Variants in MEGF6 observed in about 807,000 individuals in gnomAD.
The protein encoded by MEGF6 is multiple EGF like domains 6.
A neutral mutation model predicts 207.1 loss-of-function variants in MEGF6; 184 were observed. The observed-to-expected ratio is 0.89, with a 90% CI of 0.79 to 1.00. The LOEUF (loss-of-function observed/expected upper bound fraction) is 1.00, where lower values mean the gene tolerates loss of function less well. Among genes scored for constraint, MEGF6 ranks in the 50% least tolerant of loss-of-function variants. The pLI is 0.00. For missense variants in MEGF6, 2,282 were observed against 2,202.9 expected, an observed-to-expected ratio of 1.04 and a Z score of -0.72; for synonymous variants, 1,038 against 910.0, an observed-to-expected ratio of 1.14 and a Z score of -2.53.
At position 3,499,864 on chromosome 1, in the gene MEGF6, G is replaced by A. The variant is rs1640782930; in HGVS notation, c.2768C>T (p.Ala923Val). Residue 923 changes from alanine (A) to valine (V), a missense_variant, in exon 22 of 37, where the codon GCA becomes GTA. By Grantham distance (64) the Ala-to-Val change is moderately conservative. Transcript: ENST00000356575. ...GGCCCCGCTGACGTGGTCACAGGCT[G>A]CTCCATGCTGACACTGGCACCGCTG... ...CEQRCQCQHG[A>V]ACDHVSGACT... The A allele has an allele frequency of 6.4e-7, 1 of 1,557,320 alleles. No homozygotes were observed. The highest frequency in any genetic ancestry group is 1.4e-5 in the African/African-American group (1 of 73,628).
At chr1:3,496,592 T>C in intron 29 of MEGF6, 63 bp downstream of exon 29, 6 of 1,546,196 alleles carry the variant, frequency 3.9e-6, no homozygotes, top group Non-Finnish European at 5.2e-6. Flanking sequence ...TCCTGCAGGC[T>C]GGCTGGCCCT....
rs1192792240 is a variant in MEGF6 at position 3,490,698 on chromosome 1, A to T, written c.4565-109T>A. 12 of 1,221,858 alleles carry T rather than the reference A, an allele frequency of 9.8e-6. No individual in the cohort carries two copies. In the East Asian group the frequency reaches 3.1e-4, roughly 32 times the overall value. 75.7% of individuals were successfully genotyped at this position (1,221,858 alleles called of 1,614,324 possible). On this transcript the variant is annotated intron_variant, in intron 36 of 36. Transcript: ENST00000356575. The stretch of plus-strand genomic sequence containing the variant: ...CTCCCACCCCTCCCTTCAGCAGCTC[A>T]GCCCAGCAGGTGGGTGGGGCCCACC...
chr1:3,496,690 C>T lies in MEGF6; in HGVS notation c.3707G>A (p.Cys1236Tyr). 1 of 1,565,604 alleles carries T rather than the reference C, an allele frequency of 6.4e-7. No homozygotes were observed. Among genetic ancestry groups the T allele is most frequent in the Non-Finnish European group, 8.7e-7 (1 of 1,155,566 alleles). ...SCDAATGACR[C>Y]PTGFLGTDCN... ...GTCCGTCCCGAGGAACCCAGTGGGGCAGCGGCAGGCCCCCGTGGCCGCATC... is the reference window on the plus strand; with the variant it reads ...GTCCGTCCCGAGGAACCCAGTGGGGTAGCGGCAGGCCCCCGTGGCCGCATC... The change falls in exon 29 of 37, where the codon TGC (cysteine) becomes TAC (tyrosine). Residue 1236 changes from cysteine (C) to tyrosine (Y), a missense_variant. Transcript: ENST00000356575.
Position 3,490,150 on chromosome 1 carries a change from G to C in MEGF6, c.*378C>G, listed in dbSNP as rs1471336831. 2 of 274,144 alleles carry C rather than the reference G, an allele frequency of 7.3e-6. No individual in the cohort carries two copies. The highest frequency in any genetic ancestry group is 1.4e-5 in the Non-Finnish European group (2 of 146,394). The allele number at this position is 274,144 out of a possible 1,614,324, so 17.0% of individuals were successfully genotyped here. A position where few individuals can be genotyped will look rare whatever the true frequency, so the allele number is the denominator to read the frequency against. On this transcript the variant is annotated 3_prime_UTR_variant, in exon 37 of 37. Transcript: ENST00000356575. ...CAGTCCCAGGGCCTAGCACCAAAAAGCCTGCCTGGAGGACAGTGGCCCTGT... is the reference window on the plus strand; with the variant it reads ...CAGTCCCAGGGCCTAGCACCAAAAACCCTGCCTGGAGGACAGTGGCCCTGT...
At chr1:3,550,836 G>A (rs1001671155) in intron 4 of MEGF6, among the ~76,000 whole-genome samples, 10 of 152,370 alleles carry the variant, frequency 6.6e-5, no homozygotes, top group South Asian at 2.1e-4. Flanking sequence ...CCCACCGCCC[G>A]TGCACTCACC....
rs987783133 is a variant in MEGF6 at position 3,494,485 on chromosome 1, G to A, written c.4015C>T (p.Arg1339Cys). The A allele has an allele frequency of 6.0e-5, 95 of 1,588,220 alleles. No homozygotes were observed. The highest frequency in any genetic ancestry group is 7.3e-5 in the Non-Finnish European group (85 of 1,171,354). Residue 1339 changes from arginine (R) to cysteine (C), a missense_variant, in exon 32 of 37, where the codon CGC (arginine) becomes TGC (cysteine). By Grantham distance (180) the Arg-to-Cys change is radical. Coordinates refer to ENST00000356575, the MANE Select transcript of MEGF6 (RefSeq NM_001409.4). ...RHCELACPPG[R>C]YGAACHLECS... Reference sequence around the variant, plus strand: ...TCCAGATGGCAGGCGGCTCCGTAGCGCCCAGGGGGACAGGCTGGGGACAGG... The same window carrying A: ...TCCAGATGGCAGGCGGCTCCGTAGCACCCAGGGGGACAGGCTGGGGACAGG...
chr1:3,558,273 C>T (rs1213147337), intron 4 of MEGF6, among the ~76,000 whole-genome samples: 3 of 152,316 alleles, frequency 2.0e-5, no homozygotes, highest in Admixed American at 6.5e-5. Context: ...CTCTCTCCCA[C>T]TCCACCAACT....
chr1:3,543,385 C>G (rs112640692), intron 4 of MEGF6, among the ~76,000 whole-genome samples: 6 of 152,358 alleles, frequency 3.9e-5, no homozygotes, highest in African/African-American at 1.4e-4. Flanking sequence ...TCTCGGCTGC[C>G]GGCACCCCCT....
intron 4 of MEGF6, among the ~76,000 whole-genome samples, chr1:3,568,778 C>T (rs560195474): frequency 1.3e-5 from 2 of 152,236 alleles, no homozygotes; most frequent in East Asian, 3.9e-4. Flanking sequence ...GTCCTCTGCA[C>T]CTTACAGAAG....
In MEGF6 at chr1:3,497,058, G is replaced by A. The variant is rs202074187; in HGVS notation, c.3543C>T (p.Asn1181=). ...TCCCGGTGGCAGGGTGGCAGGCCGG[G>A]TTCTCACCGGGACACTGGCACATCT... ...CAQMCQCPGE[N]PACHPATGTC... The change falls in exon 28 of 37, where the codon AAC becomes AAT. Residue 1181 remains asparagine, a synonymous_variant. Transcript: ENST00000356575. 2 of 1,559,344 alleles carry A rather than the reference G, an allele frequency of 1.3e-6. No homozygotes were observed. The highest frequency in any genetic ancestry group is 1.4e-5 in the African/African-American group (1 of 73,350).
At chr1:3,546,717 C>T (rs1642720562) in intron 4 of MEGF6, among the ~76,000 whole-genome samples, 1 of 139,400 alleles carries the variant, frequency 7.2e-6, no homozygotes, top group Admixed American at 7.1e-5. Flanking sequence ...AAGGAGGACG[C>T]CAAGGCGGGG....
chr1:3,503,861 T>G (rs992491555), intron 17 of MEGF6, among the ~76,000 whole-genome samples: 1 of 151,930 alleles, frequency 6.6e-6, no homozygotes, highest in Non-Finnish European at 1.5e-5. Flanking sequence ...AGATGGGAAG[T>G]GGGCGCTCAG....
chr1:3,497,640 T>A, intron 26 of MEGF6: 1 of 619,368 alleles, frequency 1.6e-6, no homozygotes, highest in Non-Finnish European at 3.0e-6. Flanking sequence ...ACGAGACAGA[T>A]AGGGCTGAGA....
intron 4 of MEGF6, among the ~76,000 whole-genome samples, chr1:3,563,947 C>G (rs1643276198): frequency 6.6e-6 from 1 of 152,198 alleles, no homozygotes; most frequent in South Asian, 2.1e-4. Flanking sequence ...GGGCACTTGT[C>G]CTGCCAGGCC....
At chr1:3,502,205 G>A (rs1206233255) in intron 17 of MEGF6, among the ~76,000 whole-genome samples, 1 of 151,370 alleles carries the variant, frequency 6.6e-6, no homozygotes. Context: ...GGAGTGAAAG[G>A]GGAGCTGACG....
At chr1:3,551,983 C>A (rs142349351) in intron 4 of MEGF6, among the ~76,000 whole-genome samples, 29 of 152,204 alleles carry the variant, frequency 1.9e-4, no homozygotes, top group African/African-American at 7.0e-4. Context: ...CATCAGCAAT[C>A]CCAGCCCCTT....
chr1:3,505,659 T>C (rs2100996533), intron 15 of MEGF6, 103 bp from the exon 16 acceptor site: 4 of 1,402,584 alleles, frequency 2.9e-6, no homozygotes, highest in Non-Finnish European at 3.8e-6. Context: ...CAAGATCATG[T>C]AGGGAGCTGT....
intron 4 of MEGF6, among the ~76,000 whole-genome samples, chr1:3,534,768 A>G (rs970926806): frequency 6.6e-6 from 1 of 152,120 alleles, no homozygotes; most frequent in Non-Finnish European, 1.5e-5. Context: ...GTCCGGAGAC[A>G]TCCTGGAAGC....
intron 4 of MEGF6, among the ~76,000 whole-genome samples, chr1:3,544,200 C>CTAG (rs1557764920): frequency 2.5e-4 from 38 of 150,900 alleles, no homozygotes; most frequent in African/African-American, 8.7e-4. Flanking sequence ...CCCTCTCCCC[C>CTAG]CAGCGTCGCA....
Sources: allele counts gnomAD v4.1 joint callset (sites outside exome capture counted in the v4.1 genomes callset), GRCh38; gene constraint gnomAD v4.1.1; transcripts MANE v1.5; gene names NCBI Gene and HGNC (gene_info 2026-07-23, HGNC 2026-07-21).